Variants in UCK2 observed in about 807,000 individuals in gnomAD.
UCK2 encodes uridine-cytidine kinase 2.
A neutral mutation model predicts 30.8 loss-of-function variants in UCK2; 6 were observed. The ratio of observed to expected loss-of-function variants is 0.19; its 90% CI spans 0.11 to 0.38. The LOEUF is 0.38. Among genes scored for constraint, UCK2 ranks in the 10% least tolerant of loss-of-function variants. UCK2 has a pLI of 1.00. For synonymous variants in UCK2, 125 were observed against 133.6 expected, an observed-to-expected ratio of 0.94 and a Z score of 0.45; for missense variants, 210 against 339.8, an observed-to-expected ratio of 0.62 and a Z score of 3.00.
intron 4 of UCK2, chr1:165,900,221 T>G (rs1271857433): frequency 6.6e-6 from 1 of 152,242 alleles, no homozygotes; most frequent in Non-Finnish European, 1.5e-5. Context: ...AGGGAGGCAC[T>G]GCCCTCCCAA....
intron 1 of UCK2, among the ~76,000 whole-genome samples, chr1:165,845,715 T>G (rs1197264125): frequency 6.6e-6 from 1 of 152,194 alleles, no homozygotes; most frequent in African/African-American, 2.4e-5. Context: ...TTGCCCAGAC[T>G]GGAGTGCAGT....
chr1:165,906,658 G>A (rs1209215085), intron 6 of UCK2, among the ~76,000 whole-genome samples: 1 of 152,252 alleles, frequency 6.6e-6, no homozygotes, highest in Non-Finnish European at 1.5e-5. Flanking sequence ...GTGAGCCATA[G>A]CACCTGGCCC....
chr1:165,900,899 G>T (rs1317807584), intron 4 of UCK2, among the ~76,000 whole-genome samples: 2 of 152,206 alleles, frequency 1.3e-5, no homozygotes, highest in African/African-American at 4.8e-5. Context: ...GGGTGTGTTT[G>T]TTTTTTCCCT....
chr1:165,889,382 C>T (rs566272003), intron 1 of UCK2, among the ~76,000 whole-genome samples: 120 of 152,318 alleles, frequency 7.9e-4, no homozygotes, highest in African/African-American at 2.8e-3. Context: ...TGTGCAGTCA[C>T]CTTGTGATTC....
At chr1:165,836,581 A>G (rs1187196305) in intron 1 of UCK2, among the ~76,000 whole-genome samples, 1 of 152,228 alleles carries the variant, frequency 6.6e-6, no homozygotes, top group African/African-American at 2.4e-5. Context: ...AAACCTCCAG[A>G]CTTGTAAAAG....
chr1:165,861,627 CAAAAAAAA>C (rs1223282712), intron 1 of UCK2, among the ~76,000 whole-genome samples: 407 of 15,916 alleles, frequency 0.026, 10 homozygotes, highest in African/African-American at 0.091. Flanking sequence ...GACTCCGTCT[CAAAAAAAA>C]AAAAAAAAAA....
At chr1:165,889,430 CT>C (rs1416518903) in intron 1 of UCK2, among the ~76,000 whole-genome samples, 1 of 152,226 alleles carries the variant, frequency 6.6e-6, no homozygotes, top group Non-Finnish European at 1.5e-5. Flanking sequence ...ATCACCATGC[CT>C]TCATTCTACT....
At chr1:165,887,472 T>G (rs897784535) in intron 1 of UCK2, among the ~76,000 whole-genome samples, 2 of 152,242 alleles carry the variant, frequency 1.3e-5, no homozygotes, top group Admixed American at 6.5e-5. Flanking sequence ...ATATGCTTTT[T>G]TGATGGTGAT....
At chr1:165,907,584 C>A in intron 6 of UCK2, 100 bp from the exon 7 acceptor site, 2 of 1,487,372 alleles carry the variant, frequency 1.3e-6, no homozygotes, top group Non-Finnish European at 9.0e-7. Flanking sequence ...GGAAGTCTTT[C>A]TACTGTGGTT....
chr1:165,829,583 A>G (rs1288213647), intron 1 of UCK2, among the ~76,000 whole-genome samples: 3 of 152,198 alleles, frequency 2.0e-5, no homozygotes, highest in South Asian at 4.1e-4. Flanking sequence ...AATCATCTGA[A>G]TAATTTAGTT....
chr1:165,902,933 C>T (rs1282676222), intron 4 of UCK2: 2 of 322,028 alleles, frequency 6.2e-6, no homozygotes, highest in East Asian at 5.3e-5. Flanking sequence ...CTGTTGGCCT[C>T]CATGGACAGC....
At chr1:165,879,101 A>C (rs1326928821) in intron 1 of UCK2, among the ~76,000 whole-genome samples, 2 of 152,198 alleles carry the variant, frequency 1.3e-5, no homozygotes, top group Admixed American at 1.3e-4. Context: ...TATGTCATCT[A>C]TATGTCTTCT....
At chr1:165,847,693 A>G (rs1201576008) in intron 1 of UCK2, among the ~76,000 whole-genome samples, 1 of 151,828 alleles carries the variant, frequency 6.6e-6, no homozygotes, top group Non-Finnish European at 1.5e-5. Flanking sequence ...AGCACATTGC[A>G]TCCTTGAACT....
chr1:165,869,117 C>A (rs1655124616), intron 1 of UCK2, among the ~76,000 whole-genome samples: 1 of 152,104 alleles, frequency 6.6e-6, no homozygotes, highest in Admixed American at 6.5e-5. Flanking sequence ...TTAATGGATT[C>A]AATTTGCCAT....
chr1:165,829,264 A>G (rs1653980439), intron 1 of UCK2, among the ~76,000 whole-genome samples: 1 of 152,204 alleles, frequency 6.6e-6, no homozygotes, highest in African/African-American at 2.4e-5. Context: ...AGGCTTTTAA[A>G]AAAATTTGTA....
intron 1 of UCK2, among the ~76,000 whole-genome samples, chr1:165,878,347 T>C (rs1487373057): frequency 6.6e-6 from 1 of 152,052 alleles, no homozygotes; most frequent in Non-Finnish European, 1.5e-5. Flanking sequence ...TTTTTTTTTT[T>C]TGAGACAGAG....
In UCK2 at chr1:165,896,340, CT is replaced by C. The variant is rs1292283354; in HGVS notation, c.499+9del. Reference sequence around the variant, plus strand: ...CCCGGCTCTCACGCAGAGGTGCGTTCTAAAAGCCTCAGGTGGCCCTGTTGGT... The same window carrying C: ...CCCGGCTCTCACGCAGAGGTGCGTTCAAAAGCCTCAGGTGGCCCTGTTGGT... On this transcript the variant is annotated intron_variant, in intron 4 of 6. Transcript: ENST00000367879. The C allele has an allele frequency of 6.2e-7, 1 of 1,613,766 alleles. No individual in the cohort carries two copies. The highest frequency in any genetic ancestry group is 2.2e-5 in the East Asian group (1 of 44,880).
intron 1 of UCK2, among the ~76,000 whole-genome samples, chr1:165,843,336 T>C (rs1342596081): frequency 6.6e-6 from 1 of 152,206 alleles, no homozygotes; most frequent in African/African-American, 2.4e-5. Context: ...ATTTCACATG[T>C]ATAGTTTTGG....
chr1:165,882,622 G>C (rs1008726942), intron 1 of UCK2, among the ~76,000 whole-genome samples: 2 of 152,156 alleles, frequency 1.3e-5, no homozygotes, highest in African/African-American at 4.8e-5. Context: ...GGATGCAACT[G>C]GTTGCTGAAT....
Sources: gnomAD v4.1 joint callset for allele counts (sites outside exome capture counted in the v4.1 genomes callset) on GRCh38, gnomAD v4.1.1 for gene constraint, MANE v1.5 for transcripts, NCBI Gene and HGNC (gene_info 2026-07-23, HGNC 2026-07-21) for gene names.